Variants in COQ3 observed in about 807,000 individuals in gnomAD.
The protein encoded by COQ3 is coenzyme Q3, methyltransferase.
COQ3 carries 29 observed loss-of-function variants against 33.1 expected under a neutral mutation model. The observed-to-expected ratio is 0.88, with a 90% CI of 0.65 to 1.19. The LOEUF (loss-of-function observed/expected upper bound fraction) is 1.19. COQ3 is among the 50% of genes most tolerant of loss of function. The probability of loss-of-function intolerance (pLI) is 0.00; values close to 1 mark genes in which losing one functional copy is unlikely to be tolerated. For synonymous variants in COQ3, 173 were observed against 157.8 expected (o/e 1.10, Z -0.72); for missense variants, 437 against 430.7 (o/e 1.01, Z -0.13).
At chr6:99,372,917 G>A (rs1774184253) in intron 5 of COQ3, among the ~76,000 whole-genome samples, 1 of 152,116 alleles carries the variant, frequency 6.6e-6, no homozygotes, top group Admixed American at 6.6e-5. Flanking sequence ...TTAGGAGAAA[G>A]AGATAATATA....
intron 2 of COQ3, chr6:99,382,904 G>A (rs971899751): frequency 9.9e-5 from 15 of 151,792 alleles, no homozygotes; most frequent in Non-Finnish European, 8.8e-5. Flanking sequence ...AGTGAGCCGA[G>A]ATCGTGCCTT....
At chr6:99,388,789 A>G (rs1774731847) in intron 1 of COQ3, among the ~76,000 whole-genome samples, 1 of 152,084 alleles carries the variant, frequency 6.6e-6, no homozygotes, top group African/African-American at 2.4e-5. Flanking sequence ...CAGAGGTTGC[A>G]GTGAGCCAAG....
intron 1 of COQ3, among the ~76,000 whole-genome samples, chr6:99,385,902 G>T (rs1021112578): frequency 1.3e-5 from 2 of 149,734 alleles, no homozygotes; most frequent in African/African-American, 4.9e-5. Context: ...GCTTGAACCT[G>T]GGAGATGGAG....
At chr6:99,392,566 C>A (rs757044596) in intron 1 of COQ3, among the ~76,000 whole-genome samples, 34 of 152,150 alleles carry the variant, frequency 2.2e-4, no homozygotes, top group African/African-American at 6.8e-4. Context: ...TTTCAAGGAA[C>A]CTTGCAGTTT....
chr6:99,387,614 A>G (rs1368231199), intron 1 of COQ3, among the ~76,000 whole-genome samples: 1 of 152,190 alleles, frequency 6.6e-6, no homozygotes, highest in African/African-American at 2.4e-5. Flanking sequence ...CAGCTATAAA[A>G]ACCTATAGCT....
rs537458463 is a variant in COQ3 at position 99,369,631 on chromosome 6, T to A, written c.1079A>T (p.Asn360Ile). 2 of 1,614,064 alleles carry A rather than the reference T, an allele frequency of 1.2e-6. No individual in the cohort carries two copies. The highest frequency in any genetic ancestry group is 1.7e-6 in the Non-Finnish European group (2 of 1,179,916). Residue 360 changes from asparagine to isoleucine, a missense_variant, in exon 7 of 7, where the codon AAT becomes ATT. Transcript: ENST00000254759. ...TEELQANACT[N>I]PAVHEKLKK is the part of the protein sequence containing the mutation. ...CTTCAGCTTTTCATGCACAGCTGGA[T>A]TGGTGCAGGCATTAGCTTGGAGCTC...
In COQ3 at chr6:99,394,074, C is replaced by G. The variant is rs1159406161; in HGVS notation, c.106G>C (p.Val36Leu). The G allele has an allele frequency of 6.2e-7, 1 of 1,612,678 alleles. No homozygotes were observed. The highest frequency in any genetic ancestry group is 1.3e-5 in the African/African-American group (1 of 74,874). ...GAAGGACCTCCGCACACACACTCAC[C>G]CGCCGAGGAAATTAAGGGACGCGCA... Reference protein sequence around the residue: ...KAARPLISSAVYVKNQLSGTL... With the variant: ...KAARPLISSALYVKNQLSGTL... Residue 36 changes from valine to leucine, a missense_variant and splice_region_variant, in exon 1 of 7, where the codon GTT becomes CTT. Physicochemically the swap from Val to Leu is conservative, Grantham distance 32. Coordinates refer to ENST00000254759, the MANE Select transcript of COQ3 (RefSeq NM_017421.4).
chr6:99,372,458 C>A (rs1774168804), intron 5 of COQ3, among the ~76,000 whole-genome samples: 1 of 152,066 alleles, frequency 6.6e-6, no homozygotes, highest in Non-Finnish European at 1.5e-5. Flanking sequence ...TGCTCTGTCG[C>A]CCAGGGTAGA....
At position 99,375,958 on chromosome 6, in the gene COQ3, G is replaced by T. The variant is rs756043805; in HGVS notation, c.711C>A (p.Cys237Ter). ...HVIDLETFLQ[C>*]CCQVLKPGGS... ...GCCTTACTTTTAACACTTGACAGCA[G>T]CACTGTAAAAATGTTTCTAGATCAA... Residue 237 changes from cysteine (C) to a stop codon, truncating the protein, a stop_gained, in exon 5 of 7, where the codon TGC becomes TGA. Transcript: ENST00000254759. LOFTEE classifies it high-confidence loss of function. 4 of 1,613,854 alleles carry T rather than the reference G, an allele frequency of 2.5e-6. No individual in the cohort carries two copies. The highest frequency in any genetic ancestry group is 2.5e-6 in the Non-Finnish European group (3 of 1,179,986).
chr6:99,390,630 CTT>C (rs1049180646), intron 1 of COQ3, among the ~76,000 whole-genome samples: 9 of 152,200 alleles, frequency 5.9e-5, no homozygotes, highest in Admixed American at 4.6e-4. Context: ...CGCGCCCAGT[CTT>C]TGTTAAACAT....
At chr6:99,377,307 T>C (rs1223933877) in intron 4 of COQ3, 79 bp downstream of exon 4, 1 of 1,097,274 alleles carries the variant, frequency 9.1e-7, no homozygotes, top group Non-Finnish European at 1.4e-6. Flanking sequence ...ATATTATTTG[T>C]TGAAAGAATA....
At position 99,369,682 on chromosome 6, in the gene COQ3, T is replaced by C. The variant is rs1292501825; in HGVS notation, c.1028A>G (p.Glu343Gly). The stretch of plus-strand genomic sequence containing the variant: ...TTCTGTTTCTCCCTTTAAAACAAAC[T>C]CAGCAGAGGCTGGGTGTTCCTGGAC... ...SRVQEHPASAEFVLKGETEEL... is the reference protein window; with the variant it reads ...SRVQEHPASAGFVLKGETEEL... The change falls in exon 7 of 7, where the codon GAG becomes GGG. Residue 343 changes from glutamate to glycine, a missense_variant. Glu to Gly is a moderately conservative substitution (Grantham distance 98). Coordinates refer to ENST00000254759, the MANE Select transcript of COQ3 (RefSeq NM_017421.4). 2 of 1,614,054 alleles carry C rather than the reference T, an allele frequency of 1.2e-6. No individual in the cohort carries two copies. The highest frequency in any genetic ancestry group is 1.1e-5 in the South Asian group (1 of 91,078).
intron 1 of COQ3, among the ~76,000 whole-genome samples, chr6:99,385,935 C>T (rs561290466): frequency 1.4e-5 from 2 of 145,580 alleles, no homozygotes; most frequent in East Asian, 4.1e-4. Context: ...CAAGATTGCG[C>T]CACTGCACTC....
intron 1 of COQ3, among the ~76,000 whole-genome samples, chr6:99,390,492 C>A (rs565743368): frequency 1.3e-5 from 2 of 152,182 alleles, no homozygotes; most frequent in South Asian, 2.1e-4. Flanking sequence ...CGCCACCACG[C>A]CTGGCTAATT....
chr6:99,374,098 C>T lies in COQ3; in HGVS notation c.729+1842G>A, dbSNP rs139203465. Among the ~76,000 whole-genome samples, 19 of 147,640 alleles carry T rather than the reference C, an allele frequency of 1.3e-4. No homozygotes were observed. The East Asian group carries it at 3.6e-3, about 28-fold the overall frequency. On this transcript the variant is annotated intron_variant, in intron 5 of 6. Transcript: ENST00000254759. ...ATACATGTACAAGTCTGGTTTGGAT[C>T]CTGTAACAGCAAACTGACATTAGCA... is the stretch of plus-strand genomic sequence containing the variant.
At chr6:99,373,444 A>G (rs923868259) in intron 5 of COQ3, among the ~76,000 whole-genome samples, 4 of 152,090 alleles carry the variant, frequency 2.6e-5, no homozygotes, top group Non-Finnish European at 4.4e-5. Context: ...AAAAAAAAAA[A>G]AAAGTCACTT....
In COQ3 at chr6:99,371,570, G is replaced by A; in HGVS notation, c.747C>T (p.Phe249=). ...GTTGTGTTTTGTTGATTGTAGTAATGAATAAAGAACCACCGGGCTAAAAGA... is the reference window on the plus strand; with the variant it reads ...GTTGTGTTTTGTTGATTGTAGTAATAAATAAAGAACCACCGGGCTAAAAGA... The part of the protein sequence containing the change: ...CQVLKPGGSL[F]ITTINKTQLS... Residue 249 remains phenylalanine (F), a synonymous_variant, in exon 6 of 7, where the codon TTC becomes TTT. Transcript: ENST00000254759. The A allele has an allele frequency of 3.1e-6, 5 of 1,598,326 alleles. No individual in the cohort carries two copies. Among genetic ancestry groups the A allele is most frequent in the Non-Finnish European group, 4.3e-6 (5 of 1,172,778 alleles).
At chr6:99,393,743 G>A (rs887981733) in intron 1 of COQ3, among the ~76,000 whole-genome samples, 1 of 152,226 alleles carries the variant, frequency 6.6e-6, no homozygotes, top group Non-Finnish European at 1.5e-5. Flanking sequence ...AGTTATTCCT[G>A]CCCCGGCAAA....
At chr6:99,383,434 G>A (rs1402474262) in intron 2 of COQ3, among the ~76,000 whole-genome samples, 1 of 152,106 alleles carries the variant, frequency 6.6e-6, no homozygotes, top group African/African-American at 2.4e-5. Flanking sequence ...GCCTTATATT[G>A]AAAACAAAAG....
Sources: gnomAD v4.1 joint callset for allele counts (sites outside exome capture counted in the v4.1 genomes callset) on GRCh38, gnomAD v4.1.1 for gene constraint, MANE v1.5 for transcripts, NCBI Gene and HGNC (gene_info 2026-07-23, HGNC 2026-07-21) for gene names.